The following SHQ1 variants were observed in gnomAD, a reference collection of about 807,000 sequenced individuals.
SHQ1 encodes protein SHQ1 homolog.
SHQ1 carries 49 observed loss-of-function variants against 53.8 expected under a neutral mutation model. That is an observed-to-expected ratio of 0.91 (90% CI 0.72 to 1.16). The LOEUF (loss-of-function observed/expected upper bound fraction) is 1.16. Among genes scored for constraint, SHQ1 ranks in the 50% most tolerant of loss-of-function variants. The pLI, the probability that SHQ1 is intolerant of heterozygous loss-of-function variation, is 0.00. For missense variants in SHQ1, 738 were observed against 683.1 expected, an observed-to-expected ratio of 1.08 and a Z score of -0.90; for synonymous variants, 243 against 251.0, an observed-to-expected ratio of 0.97 and a Z score of 0.30.
At chr3:72,733,604 G>C in the SHQ1 span, among the ~76,000 whole-genome samples, 1 of 151,386 alleles carries the variant, frequency 6.6e-6, no homozygotes, top group Non-Finnish European at 1.5e-5. Context: ...CCTCCCCCTT[G>C]AGAATCCTTG....
At chr3:72,773,625 C>T (rs1041892483) in intron 10 of SHQ1, among the ~76,000 whole-genome samples, 7 of 151,968 alleles carry the variant, frequency 4.6e-5, no homozygotes, top group African/African-American at 1.7e-4. Context: ...ACAGGGAGGA[C>T]ACTGTGGCAA....
At chr3:72,780,588 T>G (rs1477253003) in intron 10 of SHQ1, among the ~76,000 whole-genome samples, 1 of 152,212 alleles carries the variant, frequency 6.6e-6, no homozygotes, top group Non-Finnish European at 1.5e-5. Flanking sequence ...GCCAAAAGAA[T>G]GTGTCTTTGG....
chr3:72,738,637 T>C, the SHQ1 span, among the ~76,000 whole-genome samples: 2 of 152,146 alleles, frequency 1.3e-5, no homozygotes. Context: ...TGCGGGTGCC[T>C]TCCCCCAACG....
At chr3:72,819,003 A>G (rs968595952) in intron 6 of SHQ1, among the ~76,000 whole-genome samples, 6 of 152,224 alleles carry the variant, frequency 3.9e-5, no homozygotes, top group Admixed American at 3.3e-4. Context: ...TTTTAAAAAA[A>G]TAAGATGGAT....
intron 10 of SHQ1, among the ~76,000 whole-genome samples, chr3:72,768,639 A>T (rs1705784446): frequency 6.6e-6 from 1 of 152,180 alleles, no homozygotes; most frequent in South Asian, 2.1e-4. Flanking sequence ...CAAAGAAGAA[A>T]ACAACAACAG....
At chr3:72,827,905 C>T (rs1707709313) in intron 5 of SHQ1, among the ~76,000 whole-genome samples, 1 of 151,948 alleles carries the variant, frequency 6.6e-6, no homozygotes, top group Non-Finnish European at 1.5e-5. Flanking sequence ...CAGGCGCCCG[C>T]CACCATGCCC....
intron 10 of SHQ1, among the ~76,000 whole-genome samples, chr3:72,756,241 A>G (rs1338189753): frequency 6.6e-6 from 1 of 152,062 alleles, no homozygotes; most frequent in Admixed American, 6.6e-5. Flanking sequence ...AGGCTGAGTT[A>G]CTAGTTATAG....
intron 9 of SHQ1, 57 bp downstream of exon 9, chr3:72,812,614 A>G: frequency 1.9e-6 from 3 of 1,595,900 alleles, no homozygotes; most frequent in Non-Finnish European, 2.6e-6. Context: ...ATATCTTCAC[A>G]GACTAAAAAC....
At chr3:72,825,778 T>C (rs1027947501) in intron 5 of SHQ1, among the ~76,000 whole-genome samples, 1 of 152,206 alleles carries the variant, frequency 6.6e-6, no homozygotes, top group African/African-American at 2.4e-5. Flanking sequence ...TTTTACAACC[T>C]TATAGTTGTA....
At chr3:72,801,506 G>A (rs1288064027) in intron 9 of SHQ1, among the ~76,000 whole-genome samples, 1 of 152,066 alleles carries the variant, frequency 6.6e-6, no homozygotes, top group Non-Finnish European at 1.5e-5. Flanking sequence ...AAAGACAACT[G>A]GATATCTCAA....
chr3:72,811,721 T>C lies in SHQ1; in HGVS notation c.1060+950A>G, dbSNP rs138339781. 2.6e-5 allele frequency among the ~76,000 whole-genome samples: 4 copies of C among 152,362 alleles called. No individual in the cohort carries two copies. In the East Asian group the frequency reaches 7.7e-4, roughly 29 times the overall value. On this transcript the variant is annotated intron_variant, in intron 9 of 10. Transcript: ENST00000325599. ...ACTACAGGTTACACAGAAAGCGAAG[T>C]ACACTTCCAGGTGAGACAAAACATT... is the stretch of plus-strand genomic sequence containing the variant.
chr3:72,738,421 C>G, the SHQ1 span, among the ~76,000 whole-genome samples: 26 of 152,118 alleles, frequency 1.7e-4, no homozygotes, highest in Non-Finnish European at 3.7e-4. Context: ...CCAGGTGAAG[C>G]TTCAATGTGC....
chr3:72,811,101 A>G (rs991808207), intron 9 of SHQ1, among the ~76,000 whole-genome samples: 3 of 152,240 alleles, frequency 2.0e-5, no homozygotes, highest in Non-Finnish European at 4.4e-5. Context: ...AGTACTGATT[A>G]CTTTTCCAAT....
downstream of SHQ1, among the ~76,000 whole-genome samples, chr3:72,744,659 C>CCT (rs1421941586): frequency 5.3e-5 from 8 of 152,128 alleles, no homozygotes; most frequent in African/African-American, 1.9e-4. Context: ...TCACTTGCTG[C>CCT]CTTAAATCAA....
At chr3:72,744,335 C>T (rs1456470344), downstream of SHQ1, among the ~76,000 whole-genome samples, 1 of 152,186 alleles carries the variant, frequency 6.6e-6, no homozygotes. Context: ...GAGTACTGCT[C>T]CCAGCATGTT....
At chr3:72,796,026 C>T (rs763494014) in intron 9 of SHQ1, among the ~76,000 whole-genome samples, 2 of 142,674 alleles carry the variant, frequency 1.4e-5, no homozygotes, top group African/African-American at 2.6e-5. Context: ...TCACTGGACC[C>T]GGGGAGGCAG....
intron 5 of SHQ1, among the ~76,000 whole-genome samples, chr3:72,831,116 G>A (rs1046256706): frequency 2.6e-5 from 4 of 152,202 alleles, no homozygotes; most frequent in African/African-American, 9.6e-5. Flanking sequence ...CAATTGGAGA[G>A]ATAAAGGTAA....
intron 10 of SHQ1, among the ~76,000 whole-genome samples, chr3:72,758,463 C>T (rs1705542608): frequency 6.6e-6 from 1 of 152,034 alleles, no homozygotes; most frequent in Non-Finnish European, 1.5e-5. Flanking sequence ...TGAAAACTCC[C>T]TGTATTAGTT....
intron 6 of SHQ1, among the ~76,000 whole-genome samples, chr3:72,821,346 A>G (rs1036471733): frequency 9.9e-5 from 15 of 152,180 alleles, no homozygotes; most frequent in African/African-American, 3.4e-4. Context: ...GAAAGACAAC[A>G]TGGGAAATGC....
Sources: allele counts gnomAD v4.1 joint callset (sites outside exome capture counted in the v4.1 genomes callset), GRCh38; gene constraint gnomAD v4.1.1; transcripts MANE v1.5; gene names NCBI Gene and HGNC (gene_info 2026-07-23, HGNC 2026-07-21).